The following DRG2 variants were observed in gnomAD, a reference collection of about 807,000 sequenced individuals.
DRG2 encodes developmentally regulated GTP binding protein 2.
In DRG2, 36 loss-of-function variants were observed where a neutral mutation model predicts 53.4. The ratio of observed to expected loss-of-function variants is 0.67; its 90% confidence interval spans 0.52 to 0.89. DRG2 has a LOEUF of 0.89. Ranked by LOEUF, DRG2 falls within the 40% of genes least tolerant of loss-of-function variation. DRG2 has a pLI of 0.00. For synonymous variants in DRG2, 167 were observed against 192.1 expected, an observed-to-expected ratio of 0.87 and a Z score of 1.08; for missense variants, 342 against 481.2, an observed-to-expected ratio of 0.71 and a Z score of 2.71.
Position 18,103,761 on chromosome 17 carries a change from A to G in DRG2, c.807-40A>G, listed in dbSNP as rs1352955492. On this transcript the variant is annotated intron_variant, in intron 9 of 12. Coordinates refer to ENST00000225729, the MANE Select transcript of DRG2 (RefSeq NM_001388.5). This position sits in a 1 kb window ranked among gnomAD's most constrained non-coding sequence, Gnocchi z 4.4. ...AGTGGAGACCCCAGCCTCTGAATTC[A>G]CAGGGGCCCCTGCCTGACTGGCCGC... is the stretch of plus-strand genomic sequence containing the variant. 6.3e-7 allele frequency: 1 copy of G among 1,597,762 alleles called. No homozygotes were observed.
At chr17:18,093,597 C>T (rs868362474) in intron 1 of DRG2, among the ~76,000 whole-genome samples, 4 of 152,140 alleles carry the variant, frequency 2.6e-5, no homozygotes, top group Non-Finnish European at 4.4e-5. Flanking sequence ...GGATTACAGG[C>T]GTCAGCCACT....
chr17:18,098,231 G>T lies in DRG2; in HGVS notation c.226-39G>T. Reference sequence around the variant, plus strand: ...CTGGGGCCTCTCCCAGAAGGCCAGGGACAAGGCTCCTCAGTGCAATGATCT... The same window carrying T: ...CTGGGGCCTCTCCCAGAAGGCCAGGTACAAGGCTCCTCAGTGCAATGATCT... On this transcript the variant is annotated intron_variant, in intron 2 of 12. Coordinates refer to ENST00000225729, the MANE Select transcript of DRG2 (RefSeq NM_001388.5). This position sits in a 1 kb window ranked among gnomAD's most constrained non-coding sequence, Gnocchi z 4.1. The T allele has an allele frequency of 6.3e-7, 1 of 1,581,824 alleles. No homozygotes were observed. The highest frequency in any genetic ancestry group is 1.1e-5 in the South Asian group (1 of 90,302).
Position 18,106,384 on chromosome 17 carries a change from G to C in DRG2, c.955-49G>C, listed in dbSNP as rs116607570. The C allele has an allele frequency of 3.2e-4, 516 of 1,606,006 alleles. 2 individuals carry two copies. In the African/African-American group the frequency reaches 6.3e-3, roughly 20 times the overall value. ...TGGGTGTGCAGCCAAGCTTGGGATG[G>C]GGTTAGGTGAAGCCTCACCTCTCTA... On this transcript the variant is annotated intron_variant, in intron 11 of 12. Transcript: ENST00000225729.
rs1375357215 is a variant in DRG2 at position 18,107,347 on chromosome 17, G to A, written c.*107G>A. 10 of 1,109,438 alleles carry A rather than the reference G, an allele frequency of 9.0e-6. No individual in the cohort carries two copies. Among genetic ancestry groups the A allele is most frequent in the South Asian group, 1.3e-5 (1 of 74,234 alleles). 68.7% of individuals were successfully genotyped at this position (1,109,438 alleles called of 1,614,324 possible). A position where few individuals can be genotyped will look rare whatever the true frequency, so the allele number is the denominator to read the frequency against. ...AAAAATACAAATACACGTACCCCAG[G>A]AAGGGGTCCCTCAAGTCTCTGCTAT... On this transcript the variant is annotated 3_prime_UTR_variant, in exon 13 of 13. Coordinates refer to ENST00000225729, the MANE Select transcript of DRG2 (RefSeq NM_001388.5).
chr17:18,103,697 C>G lies in DRG2; in HGVS notation c.807-104C>G. ...TTGTTTCCCTGTGGGTACCAGCGGG[C>G]CACCTGGCCAGTGGAGGTTATCCGC... On this transcript the variant is annotated intron_variant, in intron 9 of 12. Transcript: ENST00000225729. The surrounding 1 kb of genome is among the most constrained non-coding windows in gnomAD (Gnocchi z 4.4). The G allele has an allele frequency of 9.5e-7, 1 of 1,056,732 alleles. No individual in the cohort carries two copies. Among genetic ancestry groups the G allele is most frequent in the Non-Finnish European group, 1.5e-6 (1 of 688,668 alleles). 65.5% of individuals were successfully genotyped at this position (1,056,732 alleles called of 1,614,324 possible).
chr17:18,100,942 G>C lies in DRG2; in HGVS notation c.631+283G>C, dbSNP rs778031940. On this transcript the variant is annotated intron_variant, in intron 7 of 12. Coordinates refer to ENST00000225729, the MANE Select transcript of DRG2 (RefSeq NM_001388.5). The surrounding 1 kb of genome is among the most constrained non-coding windows in gnomAD (Gnocchi z 4.1). ...TGGGAAACAGCCTCTGAGGACGGGGGGTTCCTAGCCTGGAGAAGCCCCAGG... is the reference window on the plus strand; with the variant it reads ...TGGGAAACAGCCTCTGAGGACGGGGCGTTCCTAGCCTGGAGAAGCCCCAGG... Among the ~76,000 whole-genome samples, 10 of 152,200 alleles carry C rather than the reference G, an allele frequency of 6.6e-5. No homozygotes were observed. Among genetic ancestry groups the C allele is most frequent in the Non-Finnish European group, 1.5e-4 (10 of 68,032 alleles).
chr17:18,107,147 C>CA lies in DRG2; in HGVS notation c.1009-6dup, dbSNP rs761349586. On this transcript the variant is annotated splice_polypyrimidine_tract_variant and splice_region_variant and intron_variant, in intron 12 of 12. Coordinates refer to ENST00000225729, the MANE Select transcript of DRG2 (RefSeq NM_001388.5). ...AGGTGACCCCTCTGCCCCCATTCCT[C>CA]ACCCAGGGCACCAGCACCAAGTACA... The CA allele has an allele frequency of 6.2e-7, 1 of 1,613,140 alleles. No individual in the cohort carries two copies. The highest frequency in any genetic ancestry group is 8.5e-7 in the Non-Finnish European group (1 of 1,179,914).
chr17:18,106,128 G>A (rs117042091), intron 11 of DRG2: 6 of 445,144 alleles, frequency 1.3e-5, no homozygotes, highest in Non-Finnish European at 2.5e-5. Context: ...GTTCAGGCAA[G>A]GCAAGCAGAG....
chr17:18,089,563 T>C lies in DRG2; in HGVS notation c.64+1476T>C, dbSNP rs2045277406. On this transcript the variant is annotated intron_variant, in intron 1 of 12. Transcript: ENST00000225729. ...GTCTGAAAACTAGAAATCAAATAAA[T>C]AAGATAATGTCAGCCAGCAATATGT... 2.0e-5 allele frequency among the ~76,000 whole-genome samples: 3 copies of C among 152,072 alleles called. No homozygotes were observed. In the South Asian group the frequency reaches 6.2e-4, roughly 32 times the overall value.
rs560333091 is a variant in DRG2 at position 18,088,065 on chromosome 17, C to T, written c.42C>T (p.Ile14=). ...LEKISEIEKE[I]ARTQKNKATE... is the part of the protein sequence containing the mutation. ...AGATCTCGGAGATCGAGAAGGAGAT[C>T]GCTCGGACACAGAAGAACAAGGGTG... Residue 14 remains isoleucine, a synonymous_variant, in exon 1 of 13, where the codon ATC becomes ATT. Coordinates refer to ENST00000225729, the MANE Select transcript of DRG2 (RefSeq NM_001388.5). 6.5e-7 allele frequency: 1 copy of T among 1,548,568 alleles called. No homozygotes were observed. Among genetic ancestry groups the T allele is most frequent in the Non-Finnish European group, 8.7e-7 (1 of 1,145,754 alleles).
intron 1 of DRG2, among the ~76,000 whole-genome samples, chr17:18,091,655 G>A (rs918699507): frequency 1.3e-5 from 2 of 151,706 alleles, no homozygotes; most frequent in East Asian, 1.9e-4. Context: ...TCGAGAGTTC[G>A]AGACCAGACT....
rs2045518076 is a variant in DRG2, at chr17:18,100,726, T to C, written c.631+67T>C. 1 of 1,492,490 alleles carries C rather than the reference T, an allele frequency of 6.7e-7. No individual in the cohort carries two copies. The allele number at this position is 1,492,490 out of a possible 1,614,324, so 92.5% of individuals were successfully genotyped here. On this transcript the variant is annotated intron_variant, in intron 7 of 12. Transcript: ENST00000225729. This position sits in a 1 kb window ranked among gnomAD's most constrained non-coding sequence, Gnocchi z 4.1. ...CCGTCAGCGCAGCGGGGGGACTGAC[T>C]AAGACAGGAGGCCTCATGGAGCAGG...
Position 18,100,385 on chromosome 17 carries a change from G to C in DRG2, c.490G>C (p.Glu164Gln), listed in dbSNP as rs760980001. The change falls in exon 6 of 13, where the codon GAG becomes CAG. Residue 164 changes from glutamate to glutamine, a missense_variant. Transcript: ENST00000225729. The surrounding 1 kb of genome is among the most constrained non-coding windows in gnomAD (Gnocchi z 4.1). ...VQRSLLEKEL[E>Q]SVGIRLNKHK... ...TAGGTCTCTGCTGGAGAAGGAGCTGGAGTCTGTGGGCATCCGCCTCAACAA... is the reference window on the plus strand; with the variant it reads ...TAGGTCTCTGCTGGAGAAGGAGCTGCAGTCTGTGGGCATCCGCCTCAACAA... The C allele has an allele frequency of 5.6e-6, 9 of 1,614,090 alleles. No individual in the cohort carries two copies. Among genetic ancestry groups the C allele is most frequent in the East Asian group, 2.2e-5 (1 of 44,882 alleles).
At chr17:18,102,228 A>T (rs987271312) in intron 9 of DRG2, among the ~76,000 whole-genome samples, 2 of 152,212 alleles carry the variant, frequency 1.3e-5, no homozygotes, top group South Asian at 2.1e-4. Flanking sequence ...GCATTGGCCC[A>T]TTCCAGTTCT....
At position 18,099,426 on chromosome 17, in the gene DRG2, T is replaced by C; in HGVS notation, c.377-207T>C. On this transcript the variant is annotated intron_variant, in intron 4 of 12. Transcript: ENST00000225729. This position sits in a 1 kb window ranked among gnomAD's most constrained non-coding sequence, Gnocchi z 4.4. The stretch of plus-strand genomic sequence containing the variant: ...CGTAGGACAGCCGTTATTATCCTGT[T>C]ACTCCTTTTATGATGGTGGTGTCGG... 1.5e-6 allele frequency: 1 copy of C among 648,688 alleles called. No homozygotes were observed. The highest frequency in any genetic ancestry group is 2.7e-6 in the Non-Finnish European group (1 of 363,982). 40.2% of individuals were successfully genotyped at this position (648,688 alleles called of 1,614,324 possible).
At chr17:18,106,856 ATTT>A (rs964871958) in intron 12 of DRG2, among the ~76,000 whole-genome samples, 5 of 151,702 alleles carry the variant, frequency 3.3e-5, no homozygotes, top group Non-Finnish European at 7.4e-5. Context: ...TGCCTGGCTA[ATTT>A]TTCATGGAGA....
intron 2 of DRG2, among the ~76,000 whole-genome samples, chr17:18,094,974 CAAAAAAAA>C (rs1165321853): frequency 5.6e-3 from 143 of 25,320 alleles, no homozygotes; most frequent in African/African-American, 0.015. Context: ...AACTCCATCT[CAAAAAAAA>C]AAAAAAAAAA....
chr17:18,107,013 C>T, intron 12 of DRG2, 141 bp from the exon 13 acceptor site: 2 of 694,390 alleles, frequency 2.9e-6, no homozygotes, highest in Non-Finnish European at 4.9e-6. Context: ...GATGGTCAGA[C>T]AACTGCGGAC....
intron 10 of DRG2, 186 bp from the exon 11 acceptor site, chr17:18,104,437 A>T: frequency 7.8e-7 from 1 of 1,283,476 alleles, no homozygotes; most frequent in Non-Finnish European, 1.0e-6. Context: ...TCACTGTGTT[A>T]AGATCAAGGT....
Sources: allele counts gnomAD v4.1 joint callset (sites outside exome capture counted in the v4.1 genomes callset), GRCh38; gene constraint gnomAD v4.1.1; non-coding constraint Gnocchi (gnomAD v3.1); transcripts MANE v1.5; gene names NCBI Gene and HGNC (gene_info 2026-07-23, HGNC 2026-07-21).